Variants in ZC3HAV1 observed in about 807,000 individuals in gnomAD.
The protein encoded by ZC3HAV1 is zinc finger CCCH-type containing, antiviral 1.
In ZC3HAV1, 41 loss-of-function variants were observed where a neutral mutation model predicts 86.6. The ratio of observed to expected loss-of-function variants is 0.47; its 90% CI spans 0.37 to 0.61. ZC3HAV1 has a LOEUF of 0.61. Ranked by LOEUF, ZC3HAV1 falls within the 20% of genes least tolerant of loss-of-function variation. The pLI is 0.00. For missense variants in ZC3HAV1, 964 were observed against 1,141.1 expected (o/e 0.84, Z 2.24); for synonymous variants, 421 against 432.1 (o/e 0.97, Z 0.32).
In ZC3HAV1 at chr7:139,053,461, T is replaced by C; in HGVS notation, c.2439A>G (p.Lys813=). The change falls in exon 12 of 13, where the codon AAA becomes AAG. Residue 813 remains lysine, a synonymous_variant. Coordinates refer to ENST00000242351, the MANE Select transcript of ZC3HAV1 (RefSeq NM_020119.4). ...TATCCCGGCACTAACCTTTTCCGTATTTGTTTTCATGAGTTTCATGTAGGA... is the reference window on the plus strand; with the variant it reads ...TATCCCGGCACTAACCTTTTCCGTACTTGTTTTCATGAGTTTCATGTAGGA... ...DSFLHETHEN[K]YGKGIYFAKD... 1.9e-6 allele frequency: 3 copies of C among 1,595,248 alleles called. No homozygotes were observed. The highest frequency in any genetic ancestry group is 2.6e-6 in the Non-Finnish European group (3 of 1,172,472).
chr7:139,064,774 C>A, intron 8 of ZC3HAV1, 105 bp downstream of exon 8: 2 of 1,567,432 alleles, frequency 1.3e-6, no homozygotes, highest in East Asian at 2.3e-5. Context: ...AAATCTTGAC[C>A]TTGACCCTGG....
In ZC3HAV1 at chr7:139,058,451, CCCCA is replaced by C. The variant is rs199772397; in HGVS notation, c.2096+2581_2096+2584del. Among the ~76,000 whole-genome samples, 1,237 of 141,616 alleles carry C rather than the reference CCCCA, an allele frequency of 8.7e-3. 18 individuals are homozygous for C. The highest frequency in any genetic ancestry group is 0.035 in the African/African-American group (1,169 of 33,228). 92.9% of individuals were successfully genotyped at this position (141,616 alleles called of 152,430 possible). A position where few individuals can be genotyped will look rare whatever the true frequency, so the allele number is the denominator to read the frequency against. On this transcript the variant is annotated intron_variant, in intron 9 of 12. Transcript: ENST00000242351. The stretch of plus-strand genomic sequence containing the variant: ...CAACCTAACCCCCAACCCCCCCCCC[CCCCA>C]CAAAAAAACACCAAAATATTTCAAG...
In ZC3HAV1 at chr7:139,079,675, G is replaced by T. The variant is rs1380143954; in HGVS notation, c.1266C>A (p.Ile422=). The change falls in exon 4 of 13, where the codon ATC becomes ATA. Residue 422 remains isoleucine, a synonymous_variant. Transcript: ENST00000242351. ...IINGKSGTQD[I]QPGPLFNNNA... The stretch of plus-strand genomic sequence containing the variant: ...TATTATTAAAAAGAGGGCCAGGCTG[G>T]ATGTCCTGAGTTCCACTTTTGCCAT... 6.8e-6 allele frequency: 11 copies of T among 1,614,040 alleles called. No individual in the cohort carries two copies. The African/African-American group carries it at 1.5e-4, about 22-fold the overall frequency.
At chr7:139,100,444 G>A (rs1209870118) in intron 1 of ZC3HAV1, among the ~76,000 whole-genome samples, 1 of 151,890 alleles carries the variant, frequency 6.6e-6, no homozygotes, top group East Asian at 1.9e-4. Flanking sequence ...GGCTGAGGCA[G>A]AATGGCGTGA....
At chr7:139,077,226 G>C (rs1194748799) in intron 5 of ZC3HAV1, among the ~76,000 whole-genome samples, 1 of 152,042 alleles carries the variant, frequency 6.6e-6, no homozygotes, top group African/African-American at 2.4e-5. Context: ...TTTCCCATTT[G>C]CAAATTTTTT....
chr7:139,068,766 A>G (rs560600816), intron 7 of ZC3HAV1, among the ~76,000 whole-genome samples: 1 of 152,294 alleles, frequency 6.6e-6, no homozygotes. Flanking sequence ...TAGGTGGTGA[A>G]GTCCTCAAAG....
intron 12 of ZC3HAV1, chr7:139,049,907 G>GAT (rs1226217816): frequency 6.5e-6 from 1 of 154,254 alleles, no homozygotes; most frequent in African/African-American, 2.4e-5. Context: ...TTGATGGCCT[G>GAT]GGCAGTTTCA....
chr7:139,085,645 T>G (rs746771762), intron 2 of ZC3HAV1, among the ~76,000 whole-genome samples: 1 of 152,208 alleles, frequency 6.6e-6, no homozygotes. Context: ...GCTGTTTCTC[T>G]GCACTGCCTC....
intron 8 of ZC3HAV1, 103 bp from the exon 9 acceptor site, chr7:139,061,241 A>T: frequency 2.8e-6 from 3 of 1,087,356 alleles, no homozygotes; most frequent in Non-Finnish European, 2.7e-6. Context: ...AATATTCAAG[A>T]CTGACCTGTA....
chr7:139,095,744 T>C (rs1817567231), intron 1 of ZC3HAV1, among the ~76,000 whole-genome samples: 2 of 152,226 alleles, frequency 1.3e-5, no homozygotes, highest in African/African-American at 2.4e-5. Context: ...CTCTCCAGTC[T>C]TGACTTCTCT....
chr7:139,095,965 A>G (rs890657336), intron 1 of ZC3HAV1, among the ~76,000 whole-genome samples: 1 of 152,154 alleles, frequency 6.6e-6, no homozygotes, highest in Non-Finnish European at 1.5e-5. Flanking sequence ...ACTGAGAAAA[A>G]GGAGAGTAGA....
chr7:139,053,504 G>T lies in ZC3HAV1; in HGVS notation c.2396C>A (p.Ser799Ter), dbSNP rs145716414. ...TSRAYVESIC[S>*]NNFDSFLHET... ...ATGTAGGAAACTGTCAAAATTATTC[G>T]AACAGATAGATTCCACATAGGCACG... is the stretch of plus-strand genomic sequence containing the variant. Residue 799 changes from serine (S) to a stop codon, truncating the protein, a stop_gained, in exon 12 of 13, where the codon TCG becomes TAG. Coordinates refer to ENST00000242351, the MANE Select transcript of ZC3HAV1 (RefSeq NM_020119.4). LOFTEE classifies it high-confidence loss of function. 2 of 1,602,904 alleles carry T rather than the reference G, an allele frequency of 1.2e-6. No individual in the cohort carries two copies. The highest frequency in any genetic ancestry group is 3.5e-5 in the Admixed American group (2 of 56,904).
chr7:139,044,950 C>T lies in ZC3HAV1; in HGVS notation c.*2644G>A, dbSNP rs902581227. ...GTATCCCTAGTTTTTATTCTAATGC[C>T]CACTGATATCCCTGCTTTTACATTT... On this transcript the variant is annotated 3_prime_UTR_variant, in exon 13 of 13. Transcript: ENST00000242351. 3 of 151,986 alleles carry T rather than the reference C, an allele frequency of 2.0e-5. No individual in the cohort carries two copies. The highest frequency in any genetic ancestry group is 7.3e-5 in the African/African-American group (3 of 41,378). 9.4% of individuals were successfully genotyped at this position (151,986 alleles called of 1,614,324 possible).
chr7:139,056,418 T>TTTC (rs1554440011), intron 9 of ZC3HAV1, among the ~76,000 whole-genome samples: 36 of 131,296 alleles, frequency 2.7e-4, no homozygotes, highest in Non-Finnish European at 3.4e-4. Context: ...TTCTTTTCTT[T>TTTC]TTTTTTTTTT....
intron 1 of ZC3HAV1, among the ~76,000 whole-genome samples, chr7:139,090,282 C>T (rs1441637675): frequency 6.6e-6 from 1 of 152,096 alleles, no homozygotes; most frequent in Non-Finnish European, 1.5e-5. Flanking sequence ...CATTGGCTTA[C>T]ACCTTTTCAA....
At chr7:139,073,818 T>C in intron 7 of ZC3HAV1, 38 bp downstream of exon 7, 1 of 1,558,266 alleles carries the variant, frequency 6.4e-7, no homozygotes, top group South Asian at 1.2e-5. Context: ...GTTGACAAGT[T>C]TAAACAAGAG....
intron 7 of ZC3HAV1, among the ~76,000 whole-genome samples, chr7:139,072,694 AG>A (rs2130695880): frequency 6.6e-6 from 1 of 152,254 alleles, no homozygotes; most frequent in South Asian, 2.1e-4. Context: ...GGGTCAGCCT[AG>A]GATCTTCTAG....
chr7:139,061,891 A>G (rs890382936), intron 8 of ZC3HAV1, among the ~76,000 whole-genome samples: 3 of 152,252 alleles, frequency 2.0e-5, no homozygotes, highest in Non-Finnish European at 2.9e-5. Flanking sequence ...TCAGTGATAA[A>G]AGAGGAACAA....
rs549193438 is a variant in ZC3HAV1, at chr7:139,051,938, C to T, written c.2449+1513G>A. Among the ~76,000 whole-genome samples the T allele has an allele frequency of 2.0e-5, 3 of 151,626 alleles. No homozygotes were observed. The South Asian group carries it at 6.3e-4, about 32-fold the overall frequency. On this transcript the variant is annotated intron_variant, in intron 12 of 12. Coordinates refer to ENST00000242351, the MANE Select transcript of ZC3HAV1 (RefSeq NM_020119.4). Reference sequence around the variant, plus strand: ...ACTTTGAATCTGTGATAAACTATTACTTATTTCCTAAAGATGACTGATTCT... The same window carrying T: ...ACTTTGAATCTGTGATAAACTATTATTTATTTCCTAAAGATGACTGATTCT...
Sources: allele counts gnomAD v4.1 joint callset (sites outside exome capture counted in the v4.1 genomes callset), GRCh38; gene constraint gnomAD v4.1.1; transcripts MANE v1.5; gene names NCBI Gene and HGNC (gene_info 2026-07-23, HGNC 2026-07-21).